The following NR2F6 variants were observed in gnomAD, a reference collection of about 807,000 sequenced individuals.
NR2F6 encodes the protein ERBA-related gene-2.
Under a neutral mutation model 26.5 loss-of-function variants are expected in NR2F6, and 16 were observed. The ratio of observed to expected loss-of-function variants is 0.60; its 90% CI spans 0.41 to 0.92. NR2F6 has a LOEUF of 0.92. NR2F6 is among the 40% of genes least tolerant of loss of function. NR2F6 has a pLI of 0.00. For missense variants in NR2F6, 536 were observed against 631.7 expected (o/e 0.85, Z 1.62); for synonymous variants, 325 against 305.0 (o/e 1.07, Z -0.68).
intron 3 of NR2F6, among the ~76,000 whole-genome samples, 157 bp from the exon 4 acceptor site, chr19:17,232,783 C>G (rs927863037): frequency 3.9e-5 from 6 of 152,170 alleles, no homozygotes; most frequent in African/African-American, 1.2e-4. Flanking sequence ...GAGGCCAAGG[C>G]AGAAGCATCA....
chr19:17,234,268 A>G (rs1250550963), intron 3 of NR2F6, among the ~76,000 whole-genome samples: 1 of 151,668 alleles, frequency 6.6e-6, no homozygotes, highest in Non-Finnish European at 1.5e-5. Context: ...AAATAAAGCC[A>G]TATTTATTGA....
intron 1 of NR2F6, among the ~76,000 whole-genome samples, chr19:17,241,942 G>A (rs779885344): frequency 2.0e-5 from 3 of 151,784 alleles, no homozygotes; most frequent in Non-Finnish European, 4.4e-5. Context: ...CTTGAACTGG[G>A]GAGGTGGAGG....
chr19:17,245,190 G>T lies in NR2F6; in HGVS notation c.31C>A (p.Pro11Thr). 7.2e-7 allele frequency: 1 copy of T among 1,382,446 alleles called. No homozygotes were observed. Among genetic ancestry groups the T allele is most frequent in the South Asian group, 1.6e-5 (1 of 61,652 alleles). The allele number at this position is 1,382,446 out of a possible 1,614,324, so 85.6% of individuals were successfully genotyped here. A position where few individuals can be genotyped will look rare whatever the true frequency, so the allele number is the denominator to read the frequency against. Reference sequence around the variant, plus strand: ...TCCACGCCGTTCGTGTCGCCGCCGGGGCCGCCCCAGCCGCCGGTCACCATG... The same window carrying T: ...TCCACGCCGTTCGTGTCGCCGCCGGTGCCGCCCCAGCCGCCGGTCACCATG... MAMVTGGWGGPGGDTNGVDKA... is the reference protein window; with the variant it reads MAMVTGGWGGTGGDTNGVDKA... The change falls in exon 1 of 4, where the codon CCC becomes ACC. Residue 11 changes from proline (P) to threonine (T), a missense_variant. Coordinates refer to ENST00000291442, the MANE Select transcript of NR2F6 (RefSeq NM_005234.4). This position sits in a 1 kb window ranked among gnomAD's most constrained non-coding sequence, Gnocchi z 5.0.
chr19:17,244,920 C>T, intron 1 of NR2F6, 23 bp downstream of exon 1: 3 of 1,556,340 alleles, frequency 1.9e-6, no homozygotes, highest in East Asian at 2.4e-5. Flanking sequence ...TGCACGGCGG[C>T]GGCGCGCGGA....
At position 17,235,406 on chromosome 19, in the gene NR2F6, C is replaced by A; in HGVS notation, c.940+93G>T. 6.7e-7 allele frequency: 1 copy of A among 1,503,108 alleles called. No homozygotes were observed. The highest frequency in any genetic ancestry group is 1.4e-5 in the African/African-American group (1 of 70,712). 93.1% of individuals were successfully genotyped at this position (1,503,108 alleles called of 1,614,324 possible). ...CCCCAGGCCTAGGGAGCGAGCGGGG[C>A]GCTATGGGGGCCGGAGTCTGGGTCC... On this transcript the variant is annotated intron_variant, in intron 3 of 3. Transcript: ENST00000291442. This position sits in a 1 kb window ranked among gnomAD's most constrained non-coding sequence, Gnocchi z 5.0.
chr19:17,239,264 G>A (rs190604730), intron 2 of NR2F6, among the ~76,000 whole-genome samples: 16 of 152,182 alleles, frequency 1.1e-4, no homozygotes, highest in Admixed American at 9.8e-4. Flanking sequence ...TTGAACCAGG[G>A]AGTCAGAGGT....
At position 17,236,018 on chromosome 19, in the gene NR2F6, C is replaced by T. The variant is rs1221689971; in HGVS notation, c.421G>A (p.Ala141Thr). 2.2e-6 allele frequency: 3 copies of T among 1,381,080 alleles called. No individual in the cohort carries two copies. The highest frequency in any genetic ancestry group is 3.2e-5 in the East Asian group (1 of 31,104). 85.6% of individuals were successfully genotyped at this position (1,381,080 alleles called of 1,614,324 possible). Reference sequence around the variant, plus strand: ...GAGCCCGGGGGGCTGCCCGAGGAGGCGGCCACGGCACCAGGCAGCGAGTGC... The same window carrying T: ...GAGCCCGGGGGGCTGCCCGAGGAGGTGGCCACGGCACCAGGCAGCGAGTGC... ...IPHSLPGAVA[A>T]SSGSPPGSAL... Residue 141 changes from alanine (A) to threonine (T), a missense_variant, in exon 3 of 4, where the codon GCC becomes ACC. Coordinates refer to ENST00000291442, the MANE Select transcript of NR2F6 (RefSeq NM_005234.4).
chr19:17,240,568 G>T, intron 2 of NR2F6, 103 bp downstream of exon 2: 1 of 1,090,578 alleles, frequency 9.2e-7, no homozygotes, highest in Non-Finnish European at 1.3e-6. Flanking sequence ...CCCTGTGAAA[G>T]GGAGGGGTGA....
rs552375030 is a variant in NR2F6 at position 17,231,973 on chromosome 19, C to T, written c.*379G>A. 13 of 255,528 alleles carry T rather than the reference C, an allele frequency of 5.1e-5. No individual in the cohort carries two copies. The highest frequency in any genetic ancestry group is 2.3e-4 in the African/African-American group (10 of 43,810). 15.8% of individuals were successfully genotyped at this position (255,528 alleles called of 1,614,324 possible). On this transcript the variant is annotated 3_prime_UTR_variant, in exon 4 of 4. Transcript: ENST00000291442. ...GTGTCCAGAGGATCTGCCTGGCACACGCTAGCTACCCCTGCCCACTGGAGC... is the reference window on the plus strand; with the variant it reads ...GTGTCCAGAGGATCTGCCTGGCACATGCTAGCTACCCCTGCCCACTGGAGC...
chr19:17,234,217 C>T lies in NR2F6; in HGVS notation c.940+1282G>A, dbSNP rs761471791. 1.7e-3 allele frequency among the ~76,000 whole-genome samples: 237 copies of T among 143,080 alleles called. 2 individuals are homozygous for T. The highest frequency in any genetic ancestry group is 3.2e-3 in the Non-Finnish European group (206 of 64,896). The allele number at this position is 143,080 out of a possible 152,430, so 93.9% of individuals were successfully genotyped here. A position where few individuals can be genotyped will look rare whatever the true frequency, so the allele number is the denominator to read the frequency against. ...CAGCCTGGGCGACGGAGTAAGACTC[C>T]GTCTCAAAAAAAAAAAAAAAAAATC... is the stretch of plus-strand genomic sequence containing the variant. On this transcript the variant is annotated intron_variant, in intron 3 of 3. Coordinates refer to ENST00000291442, the MANE Select transcript of NR2F6 (RefSeq NM_005234.4).
chr19:17,232,727 A>G (rs575051494), intron 3 of NR2F6, 101 bp from the exon 4 acceptor site: 2 of 1,382,810 alleles, frequency 1.4e-6, no homozygotes, highest in Non-Finnish European at 1.9e-6. Context: ...GGGTAAGAAC[A>G]GGGGGCCGGG....
intron 1 of NR2F6, among the ~76,000 whole-genome samples, chr19:17,241,358 C>A (rs2073468272): frequency 6.6e-6 from 1 of 151,716 alleles, no homozygotes; most frequent in Admixed American, 6.6e-5. Context: ...GGTCCTCAGC[C>A]CTGAAGGCCC....
chr19:17,238,447 TG>T lies in NR2F6; in HGVS notation c.373+2223del, dbSNP rs1224943070. On this transcript the variant is annotated intron_variant, in intron 2 of 3. Coordinates refer to ENST00000291442, the MANE Select transcript of NR2F6 (RefSeq NM_005234.4). ...GCAAGGTTAGGGAGGGAGCCATGTA[TG>T]GACCTGGAAAAAGTGCACTCCAGGC... Among the ~76,000 whole-genome samples, 5 of 152,260 alleles carry T rather than the reference TG, an allele frequency of 3.3e-5. No individual in the cohort carries two copies. In the East Asian group the frequency reaches 9.7e-4, roughly 29 times the overall value.
intron 1 of NR2F6, 84 bp downstream of exon 1, chr19:17,244,859 A>T (rs1226335670): frequency 4.7e-6 from 7 of 1,481,946 alleles, no homozygotes; most frequent in Non-Finnish European, 6.3e-6. Flanking sequence ...GGTCAGCGCC[A>T]GGCCCAAGGT....
intron 1 of NR2F6, among the ~76,000 whole-genome samples, chr19:17,241,874 G>A (rs2073471379): frequency 6.6e-6 from 1 of 152,026 alleles, no homozygotes; most frequent in African/African-American, 2.4e-5. Context: ...AAATGAGCTG[G>A]GCGTGGTGGC....
chr19:17,235,916 G>T lies in NR2F6; in HGVS notation c.523C>A (p.Arg175Ser). ...GCCGCCGCAGGGTAGGGCTCAGCGC[G>T]CAGCAGCTGCGCGATCAGTTCGGAC... The part of the protein sequence containing the change: ...PVSELIAQLL[R>S]AEPYPAAAGR... The change falls in exon 3 of 4, where the codon CGC becomes AGC. Residue 175 changes from arginine to serine, a missense_variant. Physicochemically the swap from Arg to Ser is moderately radical, Grantham distance 110. Transcript: ENST00000291442. This position sits in a 1 kb window ranked among gnomAD's most constrained non-coding sequence, Gnocchi z 5.0. 6.8e-7 allele frequency: 1 copy of T among 1,478,456 alleles called. No individual in the cohort carries two copies. The highest frequency in any genetic ancestry group is 8.9e-7 in the Non-Finnish European group (1 of 1,121,470). 91.6% of individuals were successfully genotyped at this position (1,478,456 alleles called of 1,614,324 possible). A position where few individuals can be genotyped will look rare whatever the true frequency, so the allele number is the denominator to read the frequency against.
In NR2F6 at chr19:17,232,387, T is replaced by C. The variant is rs1308630585; in HGVS notation, c.1180A>G (p.Ser394Gly). The stretch of plus-strand genomic sequence containing the variant: ...GAGCCGTAGGGCCAGTTGAAGGTAC[T>C]CCCCGACAGCAGCATGTCTCTGATC... ...TLIRDMLLSG[S>G]TFNWPYGSGQ Residue 394 changes from serine to glycine, a missense_variant, in exon 4 of 4, where the codon AGT (serine) becomes GGT (glycine). Ser to Gly is a moderately conservative substitution (Grantham distance 56, BLOSUM62 0). Transcript: ENST00000291442. The C allele has an allele frequency of 8.7e-6, 14 of 1,613,868 alleles. No individual in the cohort carries two copies. The highest frequency in any genetic ancestry group is 3.3e-5 in the Admixed American group (2 of 60,000).
Position 17,239,395 on chromosome 19 carries a change from G to A in NR2F6, c.373+1276C>T, listed in dbSNP as rs943936766. Among the ~76,000 whole-genome samples, 80 of 151,706 alleles carry A rather than the reference G, an allele frequency of 5.3e-4. 1 individual carries two copies. Among genetic ancestry groups the A allele is most frequent in the East Asian group, 1.9e-4 (1 of 5,144 alleles). On this transcript the variant is annotated intron_variant, in intron 2 of 3. Transcript: ENST00000291442. The stretch of plus-strand genomic sequence containing the variant: ...GGGCGTGCCGGGCGCGGTGGCTTAC[G>A]CCTGTAATCCCAGCACTTTGGGAGG...
At chr19:17,238,966 T>C (rs893084172) in intron 2 of NR2F6, among the ~76,000 whole-genome samples, 1 of 152,038 alleles carries the variant, frequency 6.6e-6, no homozygotes, top group Non-Finnish European at 1.5e-5. Context: ...TTTGGGAGGC[T>C]GAGGCGAGCG....
Sources: gnomAD v4.1 joint callset for allele counts (sites outside exome capture counted in the v4.1 genomes callset) on GRCh38, gnomAD v4.1.1 for gene constraint, Gnocchi (gnomAD v3.1) non-coding constraint, MANE v1.5 for transcripts, NCBI Gene and HGNC (gene_info 2026-07-23, HGNC 2026-07-21) for gene names.